The following CPNE8 variants were observed in gnomAD, a reference collection of about 807,000 sequenced individuals.
CPNE8 encodes copine 8, also known as copine-8.
A neutral mutation model predicts 81.5 loss-of-function variants in CPNE8; 45 were observed. That is an observed-to-expected ratio of 0.55 (90% CI 0.44 to 0.71). The LOEUF (loss-of-function observed/expected upper bound fraction) is 0.71, where lower values mean the gene tolerates loss of function less well. CPNE8 is among the 30% of genes least tolerant of loss of function. The pLI, the probability that CPNE8 is intolerant of heterozygous loss-of-function variation, is 0.00. For missense variants in CPNE8, 594 were observed against 672.1 expected (o/e 0.88, Z 1.28); for synonymous variants, 252 against 226.3 (o/e 1.11, Z -1.02).
chr12:38,681,026 G>C (rs763509079), intron 16 of CPNE8, among the ~76,000 whole-genome samples: 2 of 151,842 alleles, frequency 1.3e-5, no homozygotes, highest in Non-Finnish European at 2.9e-5. Context: ...GGAAACAAAA[G>C]ACTAATAGGA....
intron 10 of CPNE8, among the ~76,000 whole-genome samples, chr12:38,754,742 G>A (rs187484299): frequency 6.6e-6 from 1 of 152,076 alleles, no homozygotes; most frequent in East Asian, 1.9e-4. Context: ...TACATTTTTA[G>A]CAGCTGGAAG....
chr12:38,725,329 A>G (rs1302322775), intron 11 of CPNE8, among the ~76,000 whole-genome samples: 2 of 152,182 alleles, frequency 1.3e-5, no homozygotes, highest in South Asian at 4.1e-4. Context: ...TGACCTCACT[A>G]TTGCTTTATA....
At chr12:38,753,871 GA>G (rs1447980137) in intron 10 of CPNE8, among the ~76,000 whole-genome samples, 1 of 152,044 alleles carries the variant, frequency 6.6e-6, no homozygotes, top group Admixed American at 6.6e-5. Context: ...GTACGTATAA[GA>G]AAAAATAGAG....
chr12:38,776,603 C>T (rs1233712992), intron 6 of CPNE8, among the ~76,000 whole-genome samples: 2 of 152,012 alleles, frequency 1.3e-5, no homozygotes, highest in Non-Finnish European at 2.9e-5. Flanking sequence ...AGCTACCACA[C>T]CCGGCCCTCA....
intron 10 of CPNE8, among the ~76,000 whole-genome samples, chr12:38,742,352 A>G (rs563155007): frequency 9.0e-4 from 137 of 152,298 alleles, no homozygotes; most frequent in African/African-American, 3.2e-3. Flanking sequence ...GCAGCCATAA[A>G]AAATGATGAA....
chr12:38,736,198 A>G (rs945129008), intron 10 of CPNE8, among the ~76,000 whole-genome samples: 4 of 133,514 alleles, frequency 3.0e-5, no homozygotes, highest in African/African-American at 1.1e-4. Flanking sequence ...AATAAGTTCT[A>G]TTGCCCTGCT....
intron 2 of CPNE8, 90 bp from the exon 3 acceptor site, chr12:38,873,140 G>A: frequency 1.3e-6 from 1 of 783,060 alleles, no homozygotes; most frequent in Non-Finnish European, 2.1e-6. Flanking sequence ...CTGTTCAAAA[G>A]CTACATCAAA....
intron 1 of CPNE8, among the ~76,000 whole-genome samples, chr12:38,884,578 C>T (rs185212993): frequency 4.0e-4 from 61 of 152,224 alleles, no homozygotes; most frequent in African/African-American, 1.3e-3. Flanking sequence ...CCTATGGTAA[C>T]ACTATTTTTA....
At position 38,874,452 on chromosome 12, in the gene CPNE8, G is replaced by A; in HGVS notation, c.139+19C>T. ...GCAAAATCAAATGATTTTTCAAAAG[G>A]CAAGCAATACATACTTACTTGGATC... is the stretch of plus-strand genomic sequence containing the variant. On this transcript the variant is annotated intron_variant, in intron 2 of 19. Coordinates refer to ENST00000331366, the MANE Select transcript of CPNE8 (RefSeq NM_153634.3). 1 of 1,577,482 alleles carries A rather than the reference G, an allele frequency of 6.3e-7. No homozygotes were observed. The highest frequency in any genetic ancestry group is 8.7e-7 in the Non-Finnish European group (1 of 1,150,256).
chr12:38,662,076 T>C (rs557394309), intron 19 of CPNE8, among the ~76,000 whole-genome samples: 14 of 152,244 alleles, frequency 9.2e-5, no homozygotes, highest in South Asian at 2.1e-4. Context: ...GTTGAAAACT[T>C]TTCCTCAAAG....
chr12:38,670,537 G>C (rs1241492404), intron 19 of CPNE8, among the ~76,000 whole-genome samples, 192 bp downstream of exon 19: 1 of 151,982 alleles, frequency 6.6e-6, no homozygotes, highest in Non-Finnish European at 1.5e-5. Flanking sequence ...TACATACAAA[G>C]TTTTTGGTAT....
At chr12:38,889,769 C>T (rs966228621) in intron 1 of CPNE8, among the ~76,000 whole-genome samples, 2 of 152,096 alleles carry the variant, frequency 1.3e-5, no homozygotes, top group African/African-American at 4.8e-5. Flanking sequence ...TGGCCTGGAC[C>T]TAGTTAGCAG....
rs1222918974 is a variant in CPNE8, at chr12:38,671,110, G to A, written c.1433-308C>T. 5.2e-5 allele frequency: 11 copies of A among 212,400 alleles called. No individual in the cohort carries two copies. In the Admixed American group the frequency reaches 6.5e-4, roughly 13 times the overall value. The allele number at this position is 212,400 out of a possible 1,614,324, so 13.2% of individuals were successfully genotyped here. ...GGTCTATCATCTCTCCATTCTACCA[G>A]TTCTAAACTTCGGGTTATATGGTTG... On this transcript the variant is annotated intron_variant, in intron 18 of 19. Coordinates refer to ENST00000331366, the MANE Select transcript of CPNE8 (RefSeq NM_153634.3).
chr12:38,796,903 A>C (rs536716773), intron 6 of CPNE8, among the ~76,000 whole-genome samples: 1 of 152,180 alleles, frequency 6.6e-6, no homozygotes, highest in South Asian at 2.1e-4. Context: ...TATCCCGCAC[A>C]TGGCTCAGAG....
At chr12:38,902,223 G>GAAGGAA (rs1310911133) in intron 1 of CPNE8, among the ~76,000 whole-genome samples, 1 of 111,336 alleles carries the variant, frequency 9.0e-6, no homozygotes, top group African/African-American at 4.2e-5. Flanking sequence ...GAAAGAGAAA[G>GAAGGAA]AGAAAGAAGG....
At chr12:38,797,662 C>T (rs1008339625) in intron 6 of CPNE8, among the ~76,000 whole-genome samples, 1 of 152,220 alleles carries the variant, frequency 6.6e-6, no homozygotes, top group East Asian at 1.9e-4. Flanking sequence ...CCAAAGGAAC[C>T]CAGTTCCTCA....
intron 6 of CPNE8, among the ~76,000 whole-genome samples, chr12:38,815,809 A>G (rs1565632529): frequency 6.6e-6 from 1 of 152,184 alleles, no homozygotes; most frequent in East Asian, 1.9e-4. Flanking sequence ...AGTTATTATC[A>G]TGGTAAGGAA....
At chr12:38,741,223 A>G (rs542364889) in intron 10 of CPNE8, among the ~76,000 whole-genome samples, 37 of 152,296 alleles carry the variant, frequency 2.4e-4, no homozygotes, top group African/African-American at 8.9e-4. Context: ...CGCATTCCCA[A>G]GTCAATCCTA....
intron 5 of CPNE8, among the ~76,000 whole-genome samples, chr12:38,839,093 T>G (rs531043073): frequency 6.6e-6 from 1 of 152,294 alleles, no homozygotes; most frequent in South Asian, 2.1e-4. Context: ...TACATCTGTG[T>G]ACCCAGATTT....
Sources: gnomAD v4.1 joint callset for allele counts (sites outside exome capture counted in the v4.1 genomes callset) on GRCh38, gnomAD v4.1.1 for gene constraint, MANE v1.5 for transcripts, NCBI Gene and HGNC (gene_info 2026-07-23, HGNC 2026-07-21) for gene names.